The following LARS2 variants were observed in gnomAD, a reference collection of about 807,000 sequenced individuals.
LARS2 encodes leucyl-tRNA synthetase 2, mitochondrial, also known as leucine--tRNA ligase, mitochondrial.
LARS2 carries 81 observed loss-of-function variants against 116.6 expected under a neutral mutation model. The ratio of observed to expected loss-of-function variants is 0.69; its 90% CI spans 0.58 to 0.84. LARS2 has a LOEUF of 0.84. LARS2 is among the 40% of genes least tolerant of loss of function. The pLI is 0.00. For synonymous variants in LARS2, 396 were observed against 407.2 expected (o/e 0.97, Z 0.33); for missense variants, 968 against 1,114.5 (o/e 0.87, Z 1.87).
At chr3:45,520,348 G>T (rs781772064) in intron 19 of LARS2, 52 bp downstream of exon 19, 49 of 1,458,146 alleles carry the variant, frequency 3.4e-5, no homozygotes, top group Non-Finnish European at 4.5e-5. Context: ...GGAGAGGTGT[G>T]GCAAGGGGCC....
rs759532553 is a variant in LARS2 at position 45,496,290 on chromosome 3, CAA to C, written c.1540_1541del (p.Lys514GlufsTer11). ...TCTTTCTTAGGTGCAAGGGAGCAGC[CAA>C]GAGAGAGACAGACACGATGGATACC... The part of the protein sequence containing the change: ...CSCPRCKGAA[K>X]RETDTMDTFV... On this transcript the variant is annotated frameshift_variant, in exon 14 of 22. Coordinates refer to ENST00000645846, the MANE Select transcript of LARS2 (RefSeq NM_015340.4). LOFTEE classifies it high-confidence loss of function. 6 of 1,613,534 alleles carry C rather than the reference CAA, an allele frequency of 3.7e-6. No individual in the cohort carries two copies. The highest frequency in any genetic ancestry group is 2.2e-5 in the East Asian group (1 of 44,886).
rs530970942 is a variant in LARS2, at chr3:45,397,093, G to A, written c.234+2406G>A. Among the ~76,000 whole-genome samples, 5 of 152,272 alleles carry A rather than the reference G, an allele frequency of 3.3e-5. No homozygotes were observed. In the East Asian group the frequency reaches 9.6e-4, roughly 29 times the overall value. On this transcript the variant is annotated intron_variant, in intron 3 of 21. Transcript: ENST00000645846. ...CATCTTTCTTCTAAAGTCAGAAGCT[G>A]ACAAAAATAATAGGACCCACTTATA... is the stretch of plus-strand genomic sequence containing the variant.
At chr3:45,540,746 G>GTCTGTCTGTCTATCTA (rs763247398) in intron 20 of LARS2, among the ~76,000 whole-genome samples, 120 of 149,220 alleles carry the variant, frequency 8.0e-4, no homozygotes, top group Middle Eastern at 3.4e-3. Context: ...GTATCTATCT[G>GTCTGTCTGTCTATCTA]TCTATCTATC....
rs566508815 is a variant in LARS2, at chr3:45,431,335, A to G, written c.516+11606A>G. On this transcript the variant is annotated intron_variant, in intron 6 of 21. Transcript: ENST00000645846. ...TGTACCTCTACTTTTTGTTTTCTAT[A>G]TAATTTAAGAGACTAATACATTTAA... 5.3e-5 allele frequency among the ~76,000 whole-genome samples: 8 copies of G among 152,366 alleles called. 1 individual carries two copies. In the Middle Eastern group the frequency reaches 0.01, roughly 194 times the overall value.
intron 4 of LARS2, among the ~76,000 whole-genome samples, chr3:45,417,091 A>G (rs1698435958): frequency 6.6e-6 from 1 of 150,616 alleles, no homozygotes; most frequent in African/African-American, 2.4e-5. Context: ...AAAAAACAAA[A>G]AAAAAAACTG....
intron 15 of LARS2, among the ~76,000 whole-genome samples, chr3:45,503,816 A>C (rs1181225317): frequency 6.6e-6 from 1 of 152,084 alleles, no homozygotes; most frequent in East Asian, 1.9e-4. Context: ...ATTTAAAAAA[A>C]AGTAATACAT....
intron 20 of LARS2, among the ~76,000 whole-genome samples, chr3:45,539,493 T>G (rs1047611319): frequency 6.6e-6 from 1 of 152,098 alleles, no homozygotes; most frequent in African/African-American, 2.4e-5. Flanking sequence ...TAGCCAGGCG[T>G]GGTGGTGCAC....
At chr3:45,516,500 A>C (rs1159081007) in intron 17 of LARS2, among the ~76,000 whole-genome samples, 1 of 152,240 alleles carries the variant, frequency 6.6e-6, no homozygotes, top group African/African-American at 2.4e-5. Context: ...TTGCAGATGC[A>C]GATTCCAGTG....
chr3:45,459,157 T>C (rs1191370984), intron 8 of LARS2, among the ~76,000 whole-genome samples: 3 of 152,008 alleles, frequency 2.0e-5, no homozygotes, highest in Non-Finnish European at 4.4e-5. Flanking sequence ...AGGTCAAAAA[T>C]CATCCATAAT....
intron 3 of LARS2, among the ~76,000 whole-genome samples, chr3:45,398,484 T>C (rs1698087782): frequency 6.6e-6 from 1 of 152,096 alleles, no homozygotes; most frequent in South Asian, 2.1e-4. Context: ...AGAACTGGAG[T>C]AAAGTTCTAG....
intron 12 of LARS2, 104 bp from the exon 13 acceptor site, chr3:45,491,413 C>G: frequency 1.6e-6 from 2 of 1,273,258 alleles, no homozygotes; most frequent in African/African-American, 2.9e-5. Context: ...CAGAACTGGT[C>G]CCTTGGGAGA....
At chr3:45,438,792 G>A (rs1004618912) in intron 6 of LARS2, among the ~76,000 whole-genome samples, 14 of 151,912 alleles carry the variant, frequency 9.2e-5, no homozygotes, top group East Asian at 3.9e-4. Context: ...CTGAGATCGC[G>A]CCACTGCACT....
chr3:45,430,299 GAC>G (rs1698678013), intron 6 of LARS2, among the ~76,000 whole-genome samples: 2 of 135,280 alleles, frequency 1.5e-5, no homozygotes, highest in South Asian at 4.8e-4. Context: ...ATTTTTTTGA[GAC>G]AGAGTCTGGC....
At chr3:45,497,211 G>A (rs924322866) in intron 14 of LARS2, among the ~76,000 whole-genome samples, 1 of 151,902 alleles carries the variant, frequency 6.6e-6, no homozygotes, top group African/African-American at 2.4e-5. Context: ...GAAAGAATTG[G>A]GGCTGGAGAC....
chr3:45,468,828 G>T (rs17077894), intron 8 of LARS2, among the ~76,000 whole-genome samples: 1,851 of 152,346 alleles, frequency 0.012, 43 homozygotes, highest in African/African-American at 0.04. Flanking sequence ...ACATGGGGCT[G>T]TGTAATGAAA....
At chr3:45,528,208 G>GTGTC (rs138636270) in intron 20 of LARS2, among the ~76,000 whole-genome samples, 2,041 of 152,224 alleles carry the variant, frequency 0.013, 29 homozygotes, top group African/African-American at 0.047. Flanking sequence ...GTGGTGGCAT[G>GTGTC]TGTCTGTAGG....
chr3:45,457,741 C>T (rs1040936194), intron 7 of LARS2, among the ~76,000 whole-genome samples: 1 of 152,166 alleles, frequency 6.6e-6, no homozygotes, highest in African/African-American at 2.4e-5. Context: ...CCCCAACACA[C>T]CCCTCTGTAC....
intron 20 of LARS2, chr3:45,538,589 C>T (rs1440333820): frequency 6.6e-6 from 1 of 152,240 alleles, no homozygotes; most frequent in East Asian, 1.9e-4. Flanking sequence ...CGCAAAAGCC[C>T]CGGGCCACAG....
intron 14 of LARS2, among the ~76,000 whole-genome samples, chr3:45,498,699 G>A (rs1191344021): frequency 6.6e-6 from 1 of 152,160 alleles, no homozygotes; most frequent in Non-Finnish European, 1.5e-5. Flanking sequence ...TTGATTGGCT[G>A]ACCTCAAGGG....
Sources: gnomAD v4.1 joint callset for allele counts (sites outside exome capture counted in the v4.1 genomes callset) on GRCh38, gnomAD v4.1.1 for gene constraint, MANE v1.5 for transcripts, NCBI Gene and HGNC (gene_info 2026-07-23, HGNC 2026-07-21) for gene names.